The following LIPA variants were observed in gnomAD, a reference collection of about 807,000 sequenced individuals.
LIPA encodes lipase A, lysosomal acid type.
LIPA carries 26 observed loss-of-function variants against 40.6 expected under a neutral mutation model. The observed-to-expected ratio is 0.64, with a 90% confidence interval of 0.47 to 0.89. The LOEUF (loss-of-function observed/expected upper bound fraction) is 0.89. LIPA is among the 40% of genes least tolerant of loss of function. The pLI is 0.00. For missense variants in LIPA, 455 were observed against 479.6 expected, an observed-to-expected ratio of 0.95 and a Z score of 0.48; for synonymous variants, 188 against 168.4, an observed-to-expected ratio of 1.12 and a Z score of -0.90.
At chr10:89,364,794 A>G (rs1421524842) in intron 2 of LIPA, among the ~76,000 whole-genome samples, 1 of 151,998 alleles carries the variant, frequency 6.6e-6, no homozygotes, top group Non-Finnish European at 1.5e-5. Flanking sequence ...TGTGTAATAT[A>G]CTCTTTGCTC....
At chr10:89,402,591 T>A in intron 2 of LIPA, 1 of 1,614,214 alleles carries the variant, frequency 6.2e-7, no homozygotes, top group East Asian at 2.2e-5. Context: ...CTGGATGTAT[T>A]ACCACATGGG....
At chr10:89,239,254 C>A (rs2133453258) in intron 3 of LIPA, among the ~76,000 whole-genome samples, 1 of 152,344 alleles carries the variant, frequency 6.6e-6, no homozygotes, top group East Asian at 1.9e-4. Context: ...GTTCTCTAGC[C>A]TGAGAAGAGG....
intron 2 of LIPA, among the ~76,000 whole-genome samples, chr10:89,412,395 CTGTAAAATGGACCAATCAGCACTT>C (rs1841476114): frequency 6.6e-6 from 1 of 152,008 alleles, no homozygotes; most frequent in African/African-American, 2.4e-5. Context: ...AATCAGCACT[CTGTAAAATGGACCAATCAGCACTT>C]TGTAAAGTGG....
At chr10:89,386,300 G>A (rs976723734) in intron 2 of LIPA, among the ~76,000 whole-genome samples, 2 of 152,204 alleles carry the variant, frequency 1.3e-5, no homozygotes, top group African/African-American at 2.4e-5. Context: ...CCTTGAAAGC[G>A]GGGAGTGACC....
At chr10:89,226,806 T>C (rs1407238205) in intron 5 of LIPA, 89 bp downstream of exon 5, 2 of 787,892 alleles carry the variant, frequency 2.5e-6, no homozygotes, top group Non-Finnish European at 4.4e-6. Flanking sequence ...GAATTTGAAC[T>C]AACATCTTTT....
At chr10:89,352,752 C>G (rs1843966248) in intron 2 of LIPA, among the ~76,000 whole-genome samples, 5 of 147,654 alleles carry the variant, frequency 3.4e-5, no homozygotes, top group Non-Finnish European at 7.4e-5. Context: ...GGCAAACCTG[C>G]TCCCATTTTA....
chr10:89,381,926 C>T (rs112449032), intron 2 of LIPA, among the ~76,000 whole-genome samples: 3,053 of 151,924 alleles, frequency 0.02, 45 homozygotes, highest in African/African-American at 0.039. Flanking sequence ...GCTGGGACAA[C>T]GCTGGCTAAT....
At chr10:89,222,679 G>A in intron 7 of LIPA, 97 bp from the exon 8 acceptor site, 1 of 823,618 alleles carries the variant, frequency 1.2e-6, no homozygotes, top group East Asian at 2.4e-5. Context: ...CTAAAAACTA[G>A]AGCCATAATC....
chr10:89,250,570 A>T (rs1232467849), intron 1 of LIPA, among the ~76,000 whole-genome samples: 1 of 152,198 alleles, frequency 6.6e-6, no homozygotes, highest in Admixed American at 6.5e-5. Context: ...ATTACTAGAG[A>T]ATAAGGAGTA....
intron 1 of LIPA, chr10:89,306,335 T>C: frequency 6.2e-7 from 1 of 1,614,052 alleles, no homozygotes; most frequent in Non-Finnish European, 8.5e-7. Flanking sequence ...CTGTGAGAAG[T>C]TTTCCAGTCC....
At chr10:89,386,703 C>T (rs1039957445) in intron 2 of LIPA, among the ~76,000 whole-genome samples, 1 of 152,130 alleles carries the variant, frequency 6.6e-6, no homozygotes, top group Non-Finnish European at 1.5e-5. Flanking sequence ...ACTATTTGCT[C>T]CTTAGCTACT....
At chr10:89,356,555 G>A (rs942487444) in intron 2 of LIPA, among the ~76,000 whole-genome samples, 15 of 152,072 alleles carry the variant, frequency 9.9e-5, no homozygotes, top group African/African-American at 3.1e-4. Flanking sequence ...CTCTGCATCC[G>A]ATGAACCTAG....
At position 89,214,953 on chromosome 10, in the gene LIPA, G is replaced by A. The variant is rs1842602990; in HGVS notation, c.1075C>T (p.Gln359Ter). ...TCATGGAACACCAAGTTGGTGATCT[G>A]AGTCAGTAAGATATTGACGTCGTAG... Reference protein sequence around the residue: ...DVYDVNILLTQITNLVFHESI... With the variant: ...DVYDVNILLT The change falls in exon 10 of 10, where the codon CAG (glutamine) becomes TAG (stop). Residue 359 changes from glutamine (Q) to a stop codon, truncating the protein, a stop_gained. Transcript: ENST00000336233. LOFTEE classifies it low-confidence loss of function (END_TRUNC). 6.2e-7 allele frequency: 1 copy of A among 1,614,082 alleles called. No homozygotes were observed. Among genetic ancestry groups the A allele is most frequent in the African/African-American group, 1.3e-5 (1 of 75,026 alleles).
chr10:89,269,044 G>A (rs1843252035), intron 1 of LIPA, among the ~76,000 whole-genome samples: 1 of 151,614 alleles, frequency 6.6e-6, no homozygotes, highest in Admixed American at 6.6e-5. Flanking sequence ...AATACTTAGG[G>A]CCAGGCACGG....
At chr10:89,340,237 G>T in intron 1 of LIPA, 1 of 1,173,288 alleles carries the variant, frequency 8.5e-7, no homozygotes, top group Non-Finnish European at 1.2e-6. Flanking sequence ...GGGAAGCTTT[G>T]CATGTTGCTC....
intron 4 of LIPA, among the ~76,000 whole-genome samples, chr10:89,227,247 T>C (rs542430662): frequency 6.6e-6 from 1 of 152,382 alleles, no homozygotes; most frequent in East Asian, 1.9e-4. Flanking sequence ...TGTTTTTAAA[T>C]ATTTCTGTAA....
At chr10:89,332,677 C>T in intron 1 of LIPA, 1 of 1,558,370 alleles carries the variant, frequency 6.4e-7, no homozygotes, top group Non-Finnish European at 8.9e-7. Flanking sequence ...TTATGTACAA[C>T]TTCCTGACTT....
chr10:89,242,025 A>C (rs980434391), intron 3 of LIPA, among the ~76,000 whole-genome samples: 2 of 152,198 alleles, frequency 1.3e-5, no homozygotes, highest in African/African-American at 4.8e-5. Flanking sequence ...GCCAAAACCA[A>C]GAATTCTACC....
At chr10:89,290,826 C>T (rs189783234) in intron 1 of LIPA, among the ~76,000 whole-genome samples, 14 of 152,322 alleles carry the variant, frequency 9.2e-5, no homozygotes, top group Middle Eastern at 6.8e-3. Context: ...CCTGCCTGCA[C>T]CCAGGTGATT....
Sources: gnomAD v4.1 joint callset for allele counts (sites outside exome capture counted in the v4.1 genomes callset) on GRCh38, gnomAD v4.1.1 for gene constraint, MANE v1.5 for transcripts, NCBI Gene and HGNC (gene_info 2026-07-23, HGNC 2026-07-21) for gene names.